Variants in PCDHGA4 observed in about 807,000 individuals in gnomAD.
PCDHGA4 encodes the protein protocadherin gamma-A4.
A neutral mutation model predicts 54.6 loss-of-function variants in PCDHGA4; 38 were observed. That is an observed-to-expected ratio of 0.70 (90% CI 0.54 to 0.91). The LOEUF (loss-of-function observed/expected upper bound fraction) is 0.91. Ranked by LOEUF, PCDHGA4 falls within the 40% of genes least tolerant of loss-of-function variation. The pLI, the probability that PCDHGA4 is intolerant of heterozygous loss-of-function variation, is 0.00. For missense variants in PCDHGA4, 1,298 were observed against 1,220.9 expected (o/e 1.06, Z -0.94); for synonymous variants, 511 against 512.9 (o/e 1.00, Z 0.05).
chr5:141,394,760 T>C (rs374519404), intron 1 of PCDHGA4: 68 of 1,613,366 alleles, frequency 4.2e-5, no homozygotes, highest in Middle Eastern at 3.3e-4. Flanking sequence ...TCCAGGACCA[T>C]GGCCAGCCCC....
chr5:141,454,272 A>G (rs1226625529), intron 1 of PCDHGA4, among the ~76,000 whole-genome samples: 1 of 152,200 alleles, frequency 6.6e-6, no homozygotes, highest in Non-Finnish European at 1.5e-5. Context: ...ATGCCAGCAA[A>G]AACTTCACAT....
intron 1 of PCDHGA4, chr5:141,395,553 TG>T: frequency 1.2e-5 from 1 of 84,110 alleles, no homozygotes; most frequent in Non-Finnish European, 2.1e-5. Context: ...TGTGTGTGTG[TG>T]TGTGTGTGTG....
chr5:141,427,434 A>G (rs2097026509), intron 1 of PCDHGA4: 1 of 473,650 alleles, frequency 2.1e-6, no homozygotes, highest in African/African-American at 2.0e-5. Context: ...TACATGCCTC[A>G]TAAACGAAAG....
chr5:141,371,307 G>A lies in PCDHGA4; in HGVS notation c.2514+13686G>A, dbSNP rs1365898739. 5 of 1,613,970 alleles carry A rather than the reference G, an allele frequency of 3.1e-6. No individual in the cohort carries two copies. In the Admixed American group the frequency reaches 6.7e-5, roughly 22 times the overall value. On this transcript the variant is annotated intron_variant, in intron 1 of 3. Coordinates refer to ENST00000571252, the MANE Select transcript of PCDHGA4 (RefSeq NM_018917.4). ...TAAAACGGGGGAACTCACCACTATTGGAGAACTGGACTTTGAAGAGAGAGA... is the reference window on the plus strand; with the variant it reads ...TAAAACGGGGGAACTCACCACTATTAGAGAACTGGACTTTGAAGAGAGAGA...
At chr5:141,400,609 A>G (rs376731583) in intron 1 of PCDHGA4, 129 of 1,577,604 alleles carry the variant, frequency 8.2e-5, no homozygotes, top group South Asian at 3.2e-4. Flanking sequence ...TTCAAGTCCA[A>G]TGAGTTGTCT....
At chr5:141,371,726 T>G (rs769173416) in intron 1 of PCDHGA4, 3 of 1,613,932 alleles carry the variant, frequency 1.9e-6, no homozygotes, top group Non-Finnish European at 2.5e-6. Context: ...ACATCCTTGA[T>G]GTCAACGACA....
At chr5:141,375,365 G>A (rs1227294856) in intron 1 of PCDHGA4, 1 of 1,613,790 alleles carries the variant, frequency 6.2e-7, no homozygotes, top group Non-Finnish European at 8.5e-7. Flanking sequence ...CACGGACAAA[G>A]GAACACCACC....
chr5:141,478,607 A>T (rs892000536), intron 1 of PCDHGA4: 1 of 1,560,800 alleles, frequency 6.4e-7, no homozygotes, highest in Non-Finnish European at 8.7e-7. Context: ...CATCATATTG[A>T]GGAAGGAATG....
At chr5:141,395,079 G>C in intron 1 of PCDHGA4, 1 of 1,614,142 alleles carries the variant, frequency 6.2e-7, no homozygotes, top group Non-Finnish European at 8.5e-7. Flanking sequence ...CTATTCCCAG[G>C]AAGTCTCCCT....
intron 1 of PCDHGA4, chr5:141,418,778 T>C (rs1256260275): frequency 6.2e-7 from 1 of 1,613,744 alleles, no homozygotes; most frequent in Non-Finnish European, 8.5e-7. Context: ...TCAGCAGCCT[T>C]TGGATTTTGA....
chr5:141,410,180 C>G (rs776702898), intron 1 of PCDHGA4: 43 of 1,613,802 alleles, frequency 2.7e-5, no homozygotes, highest in Non-Finnish European at 3.4e-5. Context: ...CACCGCCACG[C>G]TTCATCTGGT....
intron 1 of PCDHGA4, chr5:141,418,398 T>C (rs754177868): frequency 6.2e-7 from 1 of 1,613,842 alleles, no homozygotes; most frequent in South Asian, 1.1e-5. Flanking sequence ...TATTTCTCAT[T>C]GGTGGAGAAA....
intron 1 of PCDHGA4, chr5:141,414,590 G>A: frequency 6.2e-7 from 1 of 1,613,936 alleles, no homozygotes; most frequent in Non-Finnish European, 8.5e-7. Flanking sequence ...AACGCCAGGG[G>A]TGCCTCCATC....
rs749415234 is a variant in PCDHGA4 at position 141,419,462 on chromosome 5, C to G, written c.2514+61841C>G. 9 of 1,612,582 alleles carry G rather than the reference C, an allele frequency of 5.6e-6. 1 individual carries two copies. The highest frequency in any genetic ancestry group is 1.7e-5 in the Admixed American group (1 of 59,984). On this transcript the variant is annotated intron_variant, in intron 1 of 3. Transcript: ENST00000571252. ...CACCTTCGAGCTCACGCTGCAGGCC[C>G]GCGACCAGGGCTCGCCCGCGCTCAG... is the stretch of plus-strand genomic sequence containing the variant.
intron 1 of PCDHGA4, among the ~76,000 whole-genome samples, chr5:141,455,082 G>A (rs1323760148): frequency 1.3e-5 from 2 of 151,932 alleles, no homozygotes; most frequent in African/African-American, 2.4e-5. Context: ...AAAGTGCTGG[G>A]ATTACAGGCT....
intron 1 of PCDHGA4, chr5:141,366,451 C>G: frequency 6.2e-7 from 1 of 1,614,228 alleles, no homozygotes; most frequent in Non-Finnish European, 8.5e-7. Context: ...TCCTGGCCTT[C>G]GTCATCGTGC....
At chr5:141,447,027 T>TG (rs563674341) in intron 1 of PCDHGA4, among the ~76,000 whole-genome samples, 103 of 152,252 alleles carry the variant, frequency 6.8e-4, no homozygotes, top group South Asian at 2.3e-3. Flanking sequence ...TGTTTTGTTT[T>TG]TTTTCTGTGT....
Position 141,431,451 on chromosome 5 carries a change from T to C in PCDHGA4, c.2515-63356T>C. On this transcript the variant is annotated intron_variant, in intron 1 of 3. Transcript: ENST00000571252. The surrounding 1 kb of genome is among the most constrained non-coding windows in gnomAD (Gnocchi z 4.8). ...ACAGGCACCGCGCGCATCCGCGTGA[T>C]GGTTCTGGATGCGAACGACAACGCA... The C allele has an allele frequency of 6.2e-7, 1 of 1,613,762 alleles. No individual in the cohort carries two copies. Among genetic ancestry groups the C allele is most frequent in the African/African-American group, 1.3e-5 (1 of 75,072 alleles).
rs570379716 is a variant in PCDHGA4 at position 141,452,090 on chromosome 5, G to A, written c.2515-42717G>A. Among the ~76,000 whole-genome samples, 3 of 152,256 alleles carry A rather than the reference G, an allele frequency of 2.0e-5. No individual in the cohort carries two copies. The South Asian group carries it at 6.2e-4, about 32-fold the overall frequency. On this transcript the variant is annotated intron_variant, in intron 1 of 3. Coordinates refer to ENST00000571252, the MANE Select transcript of PCDHGA4 (RefSeq NM_018917.4). The stretch of plus-strand genomic sequence containing the variant: ...TTTATTAGTTGGCATTATACAGTAA[G>A]AAAGAGCTTTCTTTTCTCTTCTTAT...
Sources: allele counts gnomAD v4.1 joint callset (sites outside exome capture counted in the v4.1 genomes callset), GRCh38; gene constraint gnomAD v4.1.1; non-coding constraint Gnocchi (gnomAD v3.1); transcripts MANE v1.5; gene names NCBI Gene and HGNC (gene_info 2026-07-23, HGNC 2026-07-21).